Variants in MSH3 observed in about 807,000 individuals in gnomAD.
MSH3 encodes mutS homolog 3.
MSH3 carries 106 observed loss-of-function variants against 123.3 expected under a neutral mutation model. That is an observed-to-expected ratio of 0.86 (90% CI 0.73 to 1.01). The LOEUF (loss-of-function observed/expected upper bound fraction) is 1.01, where lower values mean the gene tolerates loss of function less well. Ranked by LOEUF, MSH3 falls within the 50% of genes least tolerant of loss-of-function variation. The pLI, the probability that MSH3 is intolerant of heterozygous loss-of-function variation, is 0.00. For missense variants in MSH3, 1,459 were observed against 1,347.6 expected, an observed-to-expected ratio of 1.08 and a Z score of -1.29; for synonymous variants, 515 against 481.4, an observed-to-expected ratio of 1.07 and a Z score of -0.91.
At position 80,675,056 on chromosome 5, in the gene MSH3, T is replaced by C. The variant is rs531466601; in HGVS notation, c.1101T>C (p.Tyr367=). Residue 367 remains tyrosine, a synonymous_variant, in exon 7 of 24, where the codon TAT becomes TAC. Transcript: ENST00000265081. ...DEIMTDTSTS[Y]LLCISENKEN... ...TAATGACTGATACTTCTACCAGCTATCTTCTGTGCATCTCTGAAAATAAGG... is the reference window on the plus strand; with the variant it reads ...TAATGACTGATACTTCTACCAGCTACCTTCTGTGCATCTCTGAAAATAAGG... 4 of 1,613,646 alleles carry C rather than the reference T, an allele frequency of 2.5e-6. No individual in the cohort carries two copies. In the South Asian group the frequency reaches 3.3e-5, roughly 13 times the overall value.
chr5:80,693,431 A>G (rs934677273), intron 8 of MSH3, among the ~76,000 whole-genome samples: 2 of 123,284 alleles, frequency 1.6e-5, no homozygotes, highest in Non-Finnish European at 3.6e-5. Context: ...ATATACATGC[A>G]CATGTATATG....
At chr5:80,723,670 A>G (rs1751134885) in intron 8 of MSH3, among the ~76,000 whole-genome samples, 1 of 152,260 alleles carries the variant, frequency 6.6e-6, no homozygotes, top group South Asian at 2.1e-4. Context: ...CACTCATACA[A>G]AATGAAAAGC....
Position 80,869,835 on chromosome 5 carries a change from T to C in MSH3, c.3131-3281T>C, listed in dbSNP as rs201207697. The stretch of plus-strand genomic sequence containing the variant: ...ATACATATATATATACATATATACA[T>C]ATATATACACACACACACACACACA... On this transcript the variant is annotated intron_variant, in intron 22 of 23. Coordinates refer to ENST00000265081, the MANE Select transcript of MSH3 (RefSeq NM_002439.5). 8.9e-4 allele frequency among the ~76,000 whole-genome samples: 33 copies of C among 37,014 alleles called. No individual in the cohort carries two copies. The East Asian group carries it at 0.013, about 14-fold the overall frequency. The allele number at this position is 37,014 out of a possible 152,430, so 24.3% of individuals were successfully genotyped here.
chr5:80,771,371 C>T lies in MSH3; in HGVS notation c.2253+2368C>T, dbSNP rs142973302. Among the ~76,000 whole-genome samples, 112 of 151,510 alleles carry T rather than the reference C, an allele frequency of 7.4e-4. 1 individual carries two copies. In the Middle Eastern group the frequency reaches 0.01, roughly 14 times the overall value. ...GAATGTGTCTATGCTCCCTGCTACT[C>T]GGGAGACTAAGGTAGAGAATCACTT... On this transcript the variant is annotated intron_variant, in intron 15 of 23. Transcript: ENST00000265081.
At chr5:80,771,847 G>A (rs543489337) in intron 15 of MSH3, among the ~76,000 whole-genome samples, 1 of 152,184 alleles carries the variant, frequency 6.6e-6, no homozygotes, top group South Asian at 2.1e-4. Context: ...GAATACTAAA[G>A]CCTTATTGTA....
intron 8 of MSH3, among the ~76,000 whole-genome samples, chr5:80,724,185 C>T (rs1751144777): frequency 6.6e-6 from 1 of 152,034 alleles, no homozygotes; most frequent in Non-Finnish European, 1.5e-5. Flanking sequence ...ACATTAACAC[C>T]AAATGAATAT....
chr5:80,693,681 G>A (rs1232241382), intron 8 of MSH3, among the ~76,000 whole-genome samples: 1 of 150,760 alleles, frequency 6.6e-6, no homozygotes, highest in Admixed American at 6.6e-5. Context: ...TTTGGAGATG[G>A]GAGTCTCACT....
In MSH3 at chr5:80,876,267, T is replaced by C. The variant is rs1746305657; in HGVS notation, c.*405T>C. ...CCATTGAACTAAAATAATTTTATTA[T>C]GCAACCAGTTTATCCACCAAGAACA... On this transcript the variant is annotated 3_prime_UTR_variant, in exon 24 of 24. Coordinates refer to ENST00000265081, the MANE Select transcript of MSH3 (RefSeq NM_002439.5). 1 of 234,962 alleles carries C rather than the reference T, an allele frequency of 4.3e-6. No homozygotes were observed. Among genetic ancestry groups the C allele is most frequent in the South Asian group, 1.2e-4 (1 of 8,276 alleles). 14.6% of individuals were successfully genotyped at this position (234,962 alleles called of 1,614,324 possible). A position where few individuals can be genotyped will look rare whatever the true frequency, so the allele number is the denominator to read the frequency against.
chr5:80,655,501 G>T (rs1749254808), intron 1 of MSH3: 1 of 201,218 alleles, frequency 5.0e-6, no homozygotes, highest in Non-Finnish European at 1.0e-5. Flanking sequence ...AATACAGTTT[G>T]GGTGGATAAA....
At chr5:80,736,858 C>T (rs929170684) in intron 10 of MSH3, among the ~76,000 whole-genome samples, 6 of 152,204 alleles carry the variant, frequency 3.9e-5, no homozygotes, top group African/African-American at 1.4e-4. Context: ...ATGCCCGGTT[C>T]CCCCTGGACT....
intron 8 of MSH3, among the ~76,000 whole-genome samples, chr5:80,679,437 T>G (rs1246985853): frequency 6.6e-6 from 1 of 152,180 alleles, no homozygotes; most frequent in African/African-American, 2.4e-5. Flanking sequence ...AAGGCAGTCT[T>G]TTTGAAGAGG....
chr5:80,786,404 G>C (rs1304576826), intron 17 of MSH3, among the ~76,000 whole-genome samples: 3 of 152,112 alleles, frequency 2.0e-5, no homozygotes, highest in African/African-American at 7.2e-5. Context: ...ATATGTAGTG[G>C]CTTCTTCGTA....
At chr5:80,675,251 A>C (rs1749815527) in intron 7 of MSH3, 123 bp downstream of exon 7, 1 of 1,143,616 alleles carries the variant, frequency 8.7e-7, no homozygotes, top group Non-Finnish European at 1.3e-6. Context: ...TTATACAAGA[A>C]AAACATTTTT....
intron 20 of MSH3, among the ~76,000 whole-genome samples, chr5:80,819,756 G>A (rs1745172286): frequency 6.6e-6 from 1 of 151,948 alleles, no homozygotes; most frequent in Non-Finnish European, 1.5e-5. Context: ...CAAAGCACTG[G>A]GATTACAGGT....
chr5:80,722,978 C>T (rs996363967), intron 8 of MSH3, among the ~76,000 whole-genome samples: 1 of 151,968 alleles, frequency 6.6e-6, no homozygotes, highest in Non-Finnish European at 1.5e-5. Context: ...GTGGTAATGC[C>T]TATCTGTAGT....
chr5:80,698,765 A>T (rs1039798242), intron 8 of MSH3, among the ~76,000 whole-genome samples: 1 of 146,700 alleles, frequency 6.8e-6, no homozygotes, highest in African/African-American at 2.5e-5. Flanking sequence ...GAACACTTGG[A>T]CACAGGAAGG....
intron 19 of MSH3, among the ~76,000 whole-genome samples, chr5:80,810,455 A>C (rs1250433792): frequency 6.6e-6 from 1 of 151,974 alleles, no homozygotes; most frequent in African/African-American, 2.4e-5. Context: ...TTAAAAGAGG[A>C]ATTGCTGGGT....
chr5:80,864,779 A>T, intron 21 of MSH3, 34 bp from the exon 22 acceptor site: 1 of 365,090 alleles, frequency 2.7e-6, no homozygotes, highest in Non-Finnish European at 4.5e-6. Context: ...AAATTTAAAA[A>T]TGAAATAACA....
intron 6 of MSH3, among the ~76,000 whole-genome samples, chr5:80,674,304 A>G (rs114414981): frequency 0.076 from 11,560 of 152,186 alleles, 478 homozygotes; most frequent in Non-Finnish European, 0.092. Context: ...GACTCATTTT[A>G]TACACACATA....
Sources: allele counts gnomAD v4.1 joint callset (sites outside exome capture counted in the v4.1 genomes callset), GRCh38; gene constraint gnomAD v4.1.1; transcripts MANE v1.5; gene names NCBI Gene and HGNC (gene_info 2026-07-23, HGNC 2026-07-21).